Variants in GRIK2 observed in about 807,000 individuals in gnomAD.
The protein encoded by GRIK2 is glutamate receptor ionotropic, kainate 2.
Under a neutral mutation model 100.3 loss-of-function variants are expected in GRIK2, and 32 were observed. The observed-to-expected ratio is 0.32, with a 90% CI of 0.24 to 0.43. The LOEUF is 0.43. GRIK2 is among the 20% of genes least tolerant of loss of function. The pLI is 1.00. For missense variants in GRIK2, 843 were observed against 1,114.9 expected, an observed-to-expected ratio of 0.76 and a Z score of 3.47; for synonymous variants, 417 against 389.4, an observed-to-expected ratio of 1.07 and a Z score of -0.83.
intron 2 of GRIK2, among the ~76,000 whole-genome samples, chr6:101,561,464 T>C (rs990577477): frequency 6.6e-6 from 1 of 152,100 alleles, no homozygotes; most frequent in South Asian, 2.1e-4. Flanking sequence ...CAGTATTTGA[T>C]TGTATAGTAG....
intron 2 of GRIK2, among the ~76,000 whole-genome samples, chr6:101,510,603 A>T (rs1305379723): frequency 2.2e-5 from 3 of 138,566 alleles, no homozygotes; most frequent in African/African-American, 8.2e-5. Context: ...GCTCAATGCA[A>T]CCTCTTCCTC....
chr6:101,643,387 T>G (rs1023855177), intron 4 of GRIK2, among the ~76,000 whole-genome samples: 1 of 151,524 alleles, frequency 6.6e-6, no homozygotes, highest in African/African-American at 2.4e-5. Context: ...TTTGAATTAA[T>G]TTTTTTTCTA....
intron 14 of GRIK2, among the ~76,000 whole-genome samples, chr6:101,998,268 T>C (rs951747012): frequency 6.6e-6 from 1 of 152,158 alleles, no homozygotes; most frequent in Non-Finnish European, 1.5e-5. Context: ...TTAGTATTTG[T>C]GGACCACAGT....
At chr6:101,542,279 T>C (rs1776036877) in intron 2 of GRIK2, among the ~76,000 whole-genome samples, 2 of 152,160 alleles carry the variant, frequency 1.3e-5, no homozygotes, top group African/African-American at 4.8e-5. Context: ...TCAAATGCTG[T>C]TAATGAGGCT....
chr6:101,922,141 C>CTTTCCTTCCCTCCCTTCCT (rs1554286920), intron 12 of GRIK2, among the ~76,000 whole-genome samples: 8 of 56,512 alleles, frequency 1.4e-4, no homozygotes, highest in Admixed American at 8.7e-4. Context: ...CCTTCCTTCC[C>CTTTCCTTCCCTCCCTTCCT]TCCCTTCCTC....
chr6:101,900,290 C>A (rs1317264455), intron 12 of GRIK2, among the ~76,000 whole-genome samples: 1 of 151,994 alleles, frequency 6.6e-6, no homozygotes, highest in Non-Finnish European at 1.5e-5. Context: ...CATAGAGAAA[C>A]CCCGTCTCCA....
At chr6:101,881,844 C>A (rs1786270326) in intron 11 of GRIK2, among the ~76,000 whole-genome samples, 1 of 151,954 alleles carries the variant, frequency 6.6e-6, no homozygotes, top group Non-Finnish European at 1.5e-5. Flanking sequence ...CAGAGCAAGA[C>A]CCTGTCCCTA....
chr6:101,821,646 CT>C (rs1781954022), intron 10 of GRIK2, among the ~76,000 whole-genome samples: 1 of 151,834 alleles, frequency 6.6e-6, no homozygotes, highest in Admixed American at 6.6e-5. Context: ...ATTTTTATAC[CT>C]TTTAGTTAAA....
At chr6:101,673,304 T>G (rs1483639738) in intron 4 of GRIK2, among the ~76,000 whole-genome samples, 1 of 152,126 alleles carries the variant, frequency 6.6e-6, no homozygotes, top group East Asian at 1.9e-4. Flanking sequence ...AAAACCACAA[T>G]GAGATACCAT....
intron 14 of GRIK2, among the ~76,000 whole-genome samples, chr6:102,031,601 C>T (rs1770003949): frequency 6.6e-6 from 1 of 151,116 alleles, no homozygotes; most frequent in African/African-American, 2.4e-5. Flanking sequence ...AATATGTTTT[C>T]AACCGTTGCC....
At chr6:101,922,309 A>G (rs1789606680) in intron 12 of GRIK2, among the ~76,000 whole-genome samples, 1 of 152,074 alleles carries the variant, frequency 6.6e-6, no homozygotes, top group African/African-American at 2.4e-5. Flanking sequence ...CCCTTGAAAC[A>G]TCTATATAAT....
intron 7 of GRIK2, among the ~76,000 whole-genome samples, chr6:101,723,843 A>G (rs1774664320): frequency 6.6e-6 from 1 of 152,030 alleles, no homozygotes; most frequent in African/African-American, 2.4e-5. Context: ...GTCATGTCTT[A>G]TGGAGGAAAT....
intron 14 of GRIK2, among the ~76,000 whole-genome samples, chr6:101,974,808 A>G (rs1309592156): frequency 6.6e-6 from 1 of 152,022 alleles, no homozygotes; most frequent in Non-Finnish European, 1.5e-5. Flanking sequence ...AGATTGATAC[A>G]TAAAACTAAC....
At chr6:101,730,473 C>G (rs1251312708) in intron 7 of GRIK2, among the ~76,000 whole-genome samples, 1 of 151,864 alleles carries the variant, frequency 6.6e-6, no homozygotes, top group Non-Finnish European at 1.5e-5. Context: ...TTTTTCCCCA[C>G]CAGTACTACT....
chr6:102,034,147 C>T (rs543861280), intron 14 of GRIK2, among the ~76,000 whole-genome samples: 33 of 151,416 alleles, frequency 2.2e-4, no homozygotes, highest in South Asian at 6.2e-4. Context: ...TGCATTTCTA[C>T]CCGGTCTTAG....
At chr6:101,905,648 T>C (rs1323445501) in intron 12 of GRIK2, among the ~76,000 whole-genome samples, 3 of 151,512 alleles carry the variant, frequency 2.0e-5, no homozygotes, top group Non-Finnish European at 4.4e-5. Context: ...TATTTAGTGA[T>C]CTTTTCACCA....
intron 12 of GRIK2, among the ~76,000 whole-genome samples, chr6:101,922,141 C>CCTTCCT (rs1554286919): frequency 1.4e-4 from 8 of 56,506 alleles, no homozygotes; most frequent in East Asian, 4.9e-4. Context: ...CCTTCCTTCC[C>CCTTCCT]TCCCTTCCTC....
intron 14 of GRIK2, among the ~76,000 whole-genome samples, chr6:101,967,058 A>G (rs971642756): frequency 6.6e-6 from 1 of 151,948 alleles, no homozygotes; most frequent in Non-Finnish European, 1.5e-5. Context: ...ATTATAGTTG[A>G]AATAAAAAGA....
chr6:101,623,312 A>G (rs1780256946), intron 3 of GRIK2, among the ~76,000 whole-genome samples: 1 of 152,120 alleles, frequency 6.6e-6, no homozygotes, highest in Admixed American at 6.6e-5. Flanking sequence ...ATCTTTATGA[A>G]TACAAATAAG....
Sources: gnomAD v4.1 joint callset for allele counts (sites outside exome capture counted in the v4.1 genomes callset) on GRCh38, gnomAD v4.1.1 for gene constraint, MANE v1.5 for transcripts, NCBI Gene and HGNC (gene_info 2026-07-23, HGNC 2026-07-21) for gene names.